The following MDN1 variants were observed in gnomAD, a reference collection of about 807,000 sequenced individuals.
MDN1 encodes midasin AAA ATPase 1.
In MDN1, 266 loss-of-function variants were observed where a neutral mutation model predicts 669.2. That is an observed-to-expected ratio of 0.40 (90% CI 0.36 to 0.44). The LOEUF is 0.44. Ranked by LOEUF, MDN1 falls within the 20% of genes least tolerant of loss-of-function variation. The pLI is 1.00. For missense variants in MDN1, 5,940 were observed against 6,754.0 expected (o/e 0.88, Z 4.22); for synonymous variants, 2,385 against 2,457.1 (o/e 0.97, Z 0.87).
rs1404164531 is a variant in MDN1 at position 89,642,903 on chromosome 6, C to CT, written c.*1101dup. On this transcript the variant is annotated 3_prime_UTR_variant, in exon 102 of 102. Coordinates refer to ENST00000369393, the MANE Select transcript of MDN1 (RefSeq NM_014611.3). The stretch of plus-strand genomic sequence containing the variant: ...ACTTGGTTAAACAAGGAATCTGTGT[C>CT]TTTGATGACCACCTCAAAAGGGTCG... 1.3e-5 allele frequency: 2 copies of CT among 152,186 alleles called. No homozygotes were observed. Among genetic ancestry groups the CT allele is most frequent in the Non-Finnish European group, 2.9e-5 (2 of 68,028 alleles). 9.4% of individuals were successfully genotyped at this position (152,186 alleles called of 1,614,324 possible).
chr6:89,819,768 G>T lies in MDN1; in HGVS notation c.-161C>A, dbSNP rs770409295. ...CACCGGGAGAGGGGCACCACACGTG[G>T]GTGAGCACACGGCGTTTGACGTCAT... On this transcript the variant is annotated 5_prime_UTR_variant, in exon 1 of 102. Coordinates refer to ENST00000369393, the MANE Select transcript of MDN1 (RefSeq NM_014611.3). The T allele has an allele frequency of 1.6e-5, 10 of 620,526 alleles. No individual in the cohort carries two copies. The highest frequency in any genetic ancestry group is 2.9e-5 in the Non-Finnish European group (10 of 349,322). The allele number at this position is 620,526 out of a possible 1,614,324, so 38.4% of individuals were successfully genotyped here.
chr6:89,701,572 G>A lies in MDN1; in HGVS notation c.8413C>T (p.Pro2805Ser). Reference protein sequence around the residue: ...IKKLQKFLGRPFPFKDKLVVE... With the variant: ...IKKLQKFLGRSFPFKDKLVVE... Reference sequence around the variant, plus strand: ...TCCAGGTGTACCTTAAAAGGAAACGGTCGTCCCAGGAACTTCTGCAACTTC... The same window carrying A: ...TCCAGGTGTACCTTAAAAGGAAACGATCGTCCCAGGAACTTCTGCAACTTC... Residue 2805 changes from proline (P) to serine (S), a missense_variant, in exon 55 of 102, where the codon CCG (proline) becomes TCG (serine). Coordinates refer to ENST00000369393, the MANE Select transcript of MDN1 (RefSeq NM_014611.3). The A allele has an allele frequency of 1.9e-6, 3 of 1,614,038 alleles. No homozygotes were observed. The highest frequency in any genetic ancestry group is 2.5e-6 in the Non-Finnish European group (3 of 1,179,982).
chr6:89,749,250 C>T lies in MDN1; in HGVS notation c.3735G>A (p.Lys1245=). The T allele has an allele frequency of 1.2e-6, 2 of 1,614,090 alleles. No homozygotes were observed. The highest frequency in any genetic ancestry group is 1.7e-6 in the Non-Finnish European group (2 of 1,180,002). ...GAAGATCCAGCATGACTTTAACCAA[C>T]TTGCTGCAATAGGAGGGTGGCAAAC... ...RCSLPPSYCS[K]LVKVMLDLQS... is the part of the protein sequence containing the mutation. The change falls in exon 26 of 102, where the codon AAG becomes AAA. Residue 1245 remains lysine, a synonymous_variant. Transcript: ENST00000369393.
intron 48 of MDN1, 147 bp downstream of exon 48, chr6:89,712,428 C>G (rs1486152363): frequency 8.4e-6 from 8 of 947,446 alleles, no homozygotes; most frequent in Admixed American, 7.2e-5. Flanking sequence ...CAATAGGGAG[C>G]AATATCACAA....
In MDN1 at chr6:89,794,722, G is replaced by T; in HGVS notation, c.409C>A (p.Arg137Ser). The T allele has an allele frequency of 6.2e-7, 1 of 1,614,162 alleles. No homozygotes were observed. The highest frequency in any genetic ancestry group is 1.1e-5 in the South Asian group (1 of 91,080). ...FLESSDANPV[R>S]YGRRRMKLRD... The stretch of plus-strand genomic sequence containing the variant: ...AGCTTCATCCTCCTACGTCCATAGC[G>T]TACTGGATTAGCATCTGAACTCTCT... The change falls in exon 3 of 102, where the codon CGC becomes AGC. Residue 137 changes from arginine (R) to serine (S), a missense_variant. Physicochemically the swap from Arg to Ser is moderately radical, Grantham distance 110. Coordinates refer to ENST00000369393, the MANE Select transcript of MDN1 (RefSeq NM_014611.3).
rs748289740 is a variant in MDN1 at position 89,718,971 on chromosome 6, C to T, written c.6117G>A (p.Leu2039=). 8.1e-6 allele frequency: 13 copies of T among 1,614,002 alleles called. No homozygotes were observed. In the Admixed American group the frequency reaches 1.8e-4, roughly 23 times the overall value. Residue 2039 remains leucine, a synonymous_variant, in exon 42 of 102, where the codon CTG becomes CTA. Transcript: ENST00000369393. ...GTTGGAATGACTGGTGCAGGAGCAA[C>T]AGGGGATGGCGGGACGGGTGAGGAA... ...SCVPHPSRHP[L]LLLHQSFQPL...
chr6:89,808,786 A>T (rs1321511408), intron 1 of MDN1, among the ~76,000 whole-genome samples: 2 of 152,070 alleles, frequency 1.3e-5, no homozygotes, highest in African/African-American at 4.8e-5. Flanking sequence ...CTTGTTTCCC[A>T]TTTTTAGGAA....
At position 89,664,612 on chromosome 6, in the gene MDN1, T is replaced by C. The variant is rs779054366; in HGVS notation, c.14111A>G (p.Gln4704Arg). 1.9e-6 allele frequency: 3 copies of C among 1,610,658 alleles called. No homozygotes were observed. Residue 4704 changes from glutamine to arginine, a missense_variant, in exon 85 of 102, where the codon CAG (glutamine) becomes CGG (arginine). By Grantham distance (43) the Gln-to-Arg change is conservative. Around this residue, in one of 5 missense-constraint regions of MDN1, gnomAD observed 2,280 missense variants for 2,576.3 expected, o/e 0.88. Coordinates refer to ENST00000369393, the MANE Select transcript of MDN1 (RefSeq NM_014611.3). ...CTCTTTGTCTTTTTCTTGACCCTTC[T>C]GAAATGTATCTTCCACCTACATAAA... ...GNEEQVEDTF[Q>R]KGQEKDKEDP...
Position 89,803,540 on chromosome 6 carries a change from T to C in MDN1, c.117A>G (p.Gln39=). 1 of 1,612,682 alleles carries C rather than the reference T, an allele frequency of 6.2e-7. No homozygotes were observed. The highest frequency in any genetic ancestry group is 8.5e-7 in the Non-Finnish European group (1 of 1,179,186). ...AGGTACTCAGGACACACTGGCGATCTTGAGGTGTCCACACCTGAGAAAGGC... is the reference window on the plus strand; with the variant it reads ...AGGTACTCAGGACACACTGGCGATCCTGAGGTGTCCACACCTGAGAAAGGC... ...RFLAKQVWTP[Q]DRQCVLSTLA... is the part of the protein sequence containing the mutation. The change falls in exon 2 of 102, where the codon CAA becomes CAG. Residue 39 remains glutamine (Q), a synonymous_variant. Coordinates refer to ENST00000369393, the MANE Select transcript of MDN1 (RefSeq NM_014611.3).
rs1812318351 is a variant in MDN1, at chr6:89,690,605, C to T, written c.10749+68G>A. 6 of 1,560,446 alleles carry T rather than the reference C, an allele frequency of 3.8e-6. No homozygotes were observed. In the East Asian group the frequency reaches 9.0e-5, roughly 23 times the overall value. The stretch of plus-strand genomic sequence containing the variant: ...AGAGATAAAGAGGAAGAGAGAAAGC[C>T]ATCAGAGGGAATGTATATGGCATCA... On this transcript the variant is annotated intron_variant, in intron 64 of 101. Coordinates refer to ENST00000369393, the MANE Select transcript of MDN1 (RefSeq NM_014611.3).
chr6:89,652,273 T>C lies in MDN1; in HGVS notation c.15834A>G (p.Leu5278=). ...CCTGTCTTAGCTCATTGACATCTTT[T>C]AAAAAGGGCTAAAAAGAAAAAGCCA... is the stretch of plus-strand genomic sequence containing the variant. ...FLMDTIFQPF[L]KDVNELRQEL... is the part of the protein sequence containing the mutation. Residue 5278 remains leucine, a synonymous_variant, in exon 95 of 102, where the codon TTA becomes TTG. Coordinates refer to ENST00000369393, the MANE Select transcript of MDN1 (RefSeq NM_014611.3). 6.2e-7 allele frequency: 1 copy of C among 1,612,076 alleles called. No homozygotes were observed. The highest frequency in any genetic ancestry group is 1.3e-5 in the African/African-American group (1 of 74,840).
intron 38 of MDN1, among the ~76,000 whole-genome samples, chr6:89,724,880 A>G (rs1451097497): frequency 2.0e-5 from 3 of 152,194 alleles, no homozygotes; most frequent in Non-Finnish European, 2.9e-5. Context: ...TTTTTCTTAT[A>G]TATTTCAACA....
intron 97 of MDN1, 87 bp from the exon 98 acceptor site, chr6:89,648,416 A>C: frequency 7.7e-7 from 1 of 1,301,772 alleles, no homozygotes; most frequent in Non-Finnish European, 1.1e-6. Context: ...AAGATTCCCA[A>C]AGAAAACATT....
At chr6:89,658,552 G>T in intron 89 of MDN1, 58 bp downstream of exon 89, 1 of 1,559,512 alleles carries the variant, frequency 6.4e-7, no homozygotes, top group Non-Finnish European at 8.7e-7. Context: ...ATGGGAATAA[G>T]GTGACTTCTC....
chr6:89,782,884 T>C (rs1818754837), intron 9 of MDN1, among the ~76,000 whole-genome samples: 1 of 152,190 alleles, frequency 6.6e-6, no homozygotes, highest in Non-Finnish European at 1.5e-5. Context: ...TGCGAAGATT[T>C]CATGGACATG....
intron 15 of MDN1, among the ~76,000 whole-genome samples, chr6:89,765,211 C>T (rs925230433): frequency 1.4e-4 from 22 of 152,022 alleles, no homozygotes; most frequent in African/African-American, 5.1e-4. Flanking sequence ...GAGCCAAGAT[C>T]GTGCCACTGC....
rs183477637 is a variant in MDN1 at position 89,761,196 on chromosome 6, A to C, written c.2460+449T>G. 1.1e-4 allele frequency among the ~76,000 whole-genome samples: 17 copies of C among 152,252 alleles called. 1 individual carries two copies. In the East Asian group the frequency reaches 3.1e-3, roughly 28 times the overall value. On this transcript the variant is annotated intron_variant, in intron 17 of 101. Transcript: ENST00000369393. ...AAAAGAAAAGAAAGTACAAAGCCTTAATTAGACAGAAAAAAATAAGCTTTC... is the reference window on the plus strand; with the variant it reads ...AAAAGAAAAGAAAGTACAAAGCCTTCATTAGACAGAAAAAAATAAGCTTTC...
intron 83 of MDN1, among the ~76,000 whole-genome samples, chr6:89,668,356 C>T (rs548034590): frequency 1.7e-3 from 265 of 152,294 alleles, no homozygotes; most frequent in Non-Finnish European, 3.2e-3. Context: ...AGCTTGACAT[C>T]AGATTTAACA....
intron 91 of MDN1, among the ~76,000 whole-genome samples, chr6:89,656,297 T>C (rs1809290511): frequency 6.6e-6 from 1 of 152,182 alleles, no homozygotes; most frequent in Non-Finnish European, 1.5e-5. Context: ...GAATAGGATG[T>C]AGGCTTTTAG....
Sources: allele counts gnomAD v4.1 joint callset (sites outside exome capture counted in the v4.1 genomes callset), GRCh38; gene constraint gnomAD v4.1.1; regional missense constraint gnomAD v4.1.1; transcripts MANE v1.5; gene names NCBI Gene and HGNC (gene_info 2026-07-23, HGNC 2026-07-21).